TMEM178B: variants seen among roughly 807,000 people sequenced by gnomAD.
TMEM178B encodes the protein transmembrane protein 178B.
In TMEM178B, 5 loss-of-function variants were observed where a neutral mutation model predicts 31.0. The observed-to-expected ratio is 0.16, with a 90% CI of 0.08 to 0.34. The LOEUF is 0.34. Ranked by LOEUF, TMEM178B falls within the 10% of genes least tolerant of loss-of-function variation. The pLI, the probability that TMEM178B is intolerant of heterozygous loss-of-function variation, is 1.00. For synonymous variants in TMEM178B, 164 were observed against 164.0 expected (o/e 1.00, Z 0.00); for missense variants, 275 against 400.3 (o/e 0.69, Z 2.67).
intron 2 of TMEM178B, among the ~76,000 whole-genome samples, chr7:141,282,903 TGATA>T (rs2116402469): frequency 6.6e-6 from 1 of 152,304 alleles, no homozygotes; most frequent in South Asian, 2.1e-4. Flanking sequence ...CTAGGTATAA[TGATA>T]GATATAATTT....
At chr7:141,223,749 C>G in intron 2 of TMEM178B, among the ~76,000 whole-genome samples, 1 of 152,056 alleles carries the variant, frequency 6.6e-6, no homozygotes, top group East Asian at 1.9e-4. Flanking sequence ...TCAAACCTTC[C>G]TAGGTCCTTT....
chr7:141,128,896 T>A (rs550770983), intron 1 of TMEM178B, among the ~76,000 whole-genome samples: 34 of 151,906 alleles, frequency 2.2e-4, no homozygotes, highest in African/African-American at 8.0e-4. Flanking sequence ...GACCTAGAAA[T>A]GTCAATTGTA....
At chr7:141,325,366 G>A (rs1326059291) in intron 2 of TMEM178B, among the ~76,000 whole-genome samples, 1 of 152,114 alleles carries the variant, frequency 6.6e-6, no homozygotes, top group African/African-American at 2.4e-5. Flanking sequence ...CTGCATTTCT[G>A]TGTTAACTCT....
chr7:141,446,353 T>C (rs1010682781), intron 3 of TMEM178B, among the ~76,000 whole-genome samples: 1 of 152,128 alleles, frequency 6.6e-6, no homozygotes, highest in African/African-American at 2.4e-5. Context: ...TCCCCATCAC[T>C]CGCCTGCCAA....
chr7:141,394,391 G>A (rs1346234544), intron 2 of TMEM178B, among the ~76,000 whole-genome samples: 1 of 152,236 alleles, frequency 6.6e-6, no homozygotes, highest in Non-Finnish European at 1.5e-5. Flanking sequence ...CCTCTCCTGT[G>A]TGGTGGCTTG....
intron 2 of TMEM178B, among the ~76,000 whole-genome samples, chr7:141,359,832 TCA>T (rs2116544457): frequency 6.6e-6 from 1 of 152,198 alleles, no homozygotes; most frequent in East Asian, 1.9e-4. Context: ...TTTAATGGAC[TCA>T]CAGTTCTACG....
At chr7:141,085,176 TAG>T (rs1482464606) in intron 1 of TMEM178B, among the ~76,000 whole-genome samples, 7 of 97,630 alleles carry the variant, frequency 7.2e-5, no homozygotes, top group African/African-American at 2.6e-4. Flanking sequence ...TTTTTTTTTT[TAG>T]TAGAGATGGG....
chr7:141,099,982 G>A (rs1795026565), intron 1 of TMEM178B, among the ~76,000 whole-genome samples: 2 of 151,858 alleles, frequency 1.3e-5, no homozygotes, highest in Admixed American at 1.3e-4. Context: ...ACCACACCCG[G>A]CTAATTTTTT....
intron 2 of TMEM178B, among the ~76,000 whole-genome samples, chr7:141,381,262 C>T (rs1800309882): frequency 6.6e-6 from 1 of 152,218 alleles, no homozygotes; most frequent in African/African-American, 2.4e-5. Flanking sequence ...CATGGCCTTG[C>T]TCACATCTCT....
In TMEM178B at chr7:141,212,602, C is replaced by T; in HGVS notation, c.394C>T (p.Arg132Ter). The T allele has an allele frequency of 6.5e-7, 1 of 1,535,774 alleles. No individual in the cohort carries two copies. Among genetic ancestry groups the T allele is most frequent in the Non-Finnish European group, 8.7e-7 (1 of 1,146,622 alleles). ...AALIRKGEIE[R>*]CTYIKYHYSS... ...TTTCTCTTTTCTAGGAGAAATTGAGCGATGTACGTACATCAAATACCACTA... is the reference window on the plus strand; with the variant it reads ...TTTCTCTTTTCTAGGAGAAATTGAGTGATGTACGTACATCAAATACCACTA... Residue 132 changes from arginine to a stop codon, truncating the protein, a stop_gained, in exon 2 of 4, where the codon CGA becomes TGA. Transcript: ENST00000565468. LOFTEE classifies it high-confidence loss of function.
chr7:141,285,166 T>G (rs1261054826), intron 2 of TMEM178B, among the ~76,000 whole-genome samples: 5 of 142,576 alleles, frequency 3.5e-5, no homozygotes, highest in Admixed American at 1.4e-4. Flanking sequence ...TTTTTTTTTT[T>G]TTTTTTTTTT....
intron 2 of TMEM178B, among the ~76,000 whole-genome samples, chr7:141,285,440 G>A (rs1400275549): frequency 2.6e-4 from 40 of 151,868 alleles, no homozygotes; most frequent in Admixed American, 2.6e-3. Context: ...TTACAGGTGT[G>A]AGCCACTGCG....
intron 2 of TMEM178B, among the ~76,000 whole-genome samples, chr7:141,341,807 C>T (rs1297603834): frequency 1.3e-5 from 2 of 152,258 alleles, no homozygotes; most frequent in Non-Finnish European, 2.9e-5. Flanking sequence ...GAAATCTTCC[C>T]TGGCCTTTCC....
intron 2 of TMEM178B, among the ~76,000 whole-genome samples, chr7:141,345,406 G>A (rs1799601082): frequency 6.6e-6 from 1 of 152,146 alleles, no homozygotes; most frequent in African/African-American, 2.4e-5. Context: ...GGAAAAGTAG[G>A]GTATCTCCTT....
chr7:141,447,773 C>T (rs772752403), intron 3 of TMEM178B, among the ~76,000 whole-genome samples: 4 of 152,042 alleles, frequency 2.6e-5, no homozygotes, highest in Admixed American at 6.6e-5. Context: ...CAGGGGCAGC[C>T]GCACCATCTA....
chr7:141,292,978 G>T (rs1798572370), intron 2 of TMEM178B, among the ~76,000 whole-genome samples: 1 of 151,868 alleles, frequency 6.6e-6, no homozygotes, highest in African/African-American at 2.4e-5. Flanking sequence ...CTGCTCTGTG[G>T]AAGTGTTGAG....
At chr7:141,214,254 T>C (rs1797096409) in intron 2 of TMEM178B, among the ~76,000 whole-genome samples, 1 of 152,018 alleles carries the variant, frequency 6.6e-6, no homozygotes, top group African/African-American at 2.4e-5. Context: ...GTTATGGGGG[T>C]CGTAATAGGA....
At chr7:141,148,279 G>T (rs553112865) in intron 1 of TMEM178B, among the ~76,000 whole-genome samples, 1 of 152,196 alleles carries the variant, frequency 6.6e-6, no homozygotes, top group African/African-American at 2.4e-5. Flanking sequence ...GATAATTCAG[G>T]ATTATTTCCT....
intron 2 of TMEM178B, among the ~76,000 whole-genome samples, chr7:141,371,552 T>G (rs926674877): frequency 3.3e-5 from 5 of 152,198 alleles, no homozygotes; most frequent in Non-Finnish European, 7.3e-5. Context: ...AGATACGGAA[T>G]AAGTGGGGCT....
Sources: gnomAD v4.1 joint callset for allele counts (sites outside exome capture counted in the v4.1 genomes callset) on GRCh38, gnomAD v4.1.1 for gene constraint, MANE v1.5 for transcripts, NCBI Gene and HGNC (gene_info 2026-07-23, HGNC 2026-07-21) for gene names.